GPATCH2: variants seen among roughly 807,000 people sequenced by gnomAD.
The protein encoded by GPATCH2 is G patch domain-containing protein 2.
A neutral mutation model predicts 58.0 loss-of-function variants in GPATCH2; 51 were observed. The observed-to-expected ratio is 0.88, with a 90% CI of 0.70 to 1.11. The LOEUF (loss-of-function observed/expected upper bound fraction) is 1.11. Among genes scored for constraint, GPATCH2 ranks in the 50% most tolerant of loss-of-function variants. The pLI is 0.00. For synonymous variants in GPATCH2, 222 were observed against 218.5 expected, an observed-to-expected ratio of 1.02 and a Z score of -0.14; for missense variants, 625 against 652.2, an observed-to-expected ratio of 0.96 and a Z score of 0.45.
intron 1 of GPATCH2, among the ~76,000 whole-genome samples, chr1:217,629,610 G>A (rs1355541900): frequency 6.6e-6 from 1 of 152,142 alleles, no homozygotes; most frequent in African/African-American, 2.4e-5. Context: ...ATCCTTGAGA[G>A]GGAACTGTGG....
chr1:217,629,048 T>C (rs1669599408), intron 1 of GPATCH2, among the ~76,000 whole-genome samples: 1 of 152,140 alleles, frequency 6.6e-6, no homozygotes, highest in Non-Finnish European at 1.5e-5. Context: ...CCTCAAAAGA[T>C]TTACATGAGA....
rs371765085 is a variant in GPATCH2 at position 217,580,188 on chromosome 1, T to C, written c.1098+30133A>G. On this transcript the variant is annotated intron_variant, in intron 5 of 9. Transcript: ENST00000366935. The stretch of plus-strand genomic sequence containing the variant: ...TAAAATTTATCTCCTTAAATATTTT[T>C]GATGCACAAATTTAACTTGGTATAC... Among the ~76,000 whole-genome samples the C allele has an allele frequency of 4.6e-5, 7 of 152,196 alleles. No individual in the cohort carries two copies. In the East Asian group the frequency reaches 1.3e-3, roughly 29 times the overall value.
chr1:217,443,286 T>C (rs749251925), intron 9 of GPATCH2, among the ~76,000 whole-genome samples: 5 of 152,186 alleles, frequency 3.3e-5, no homozygotes, highest in Non-Finnish European at 1.5e-5. Context: ...TCCTCACTCT[T>C]GGGTAATAAT....
In GPATCH2 at chr1:217,617,200, C is replaced by T. The variant is rs17046655; in HGVS notation, c.773+2583G>A. ...AATGCTTTTTGCTGTAATTCTGATC[C>T]CACTTTATTGCCGGTAAAAACAAAG... is the stretch of plus-strand genomic sequence containing the variant. On this transcript the variant is annotated intron_variant, in intron 2 of 9. Transcript: ENST00000366935. Among the ~76,000 whole-genome samples, 79 of 152,244 alleles carry T rather than the reference C, an allele frequency of 5.2e-4. 1 individual carries two copies. The East Asian group carries it at 9.4e-3, about 18-fold the overall frequency.
At chr1:217,597,630 A>G (rs1360122069) in intron 5 of GPATCH2, among the ~76,000 whole-genome samples, 1 of 152,200 alleles carries the variant, frequency 6.6e-6, no homozygotes, top group Non-Finnish European at 1.5e-5. Context: ...CCAGAAGCTC[A>G]AAACTGATTA....
At chr1:217,585,180 C>A (rs536096013) in intron 5 of GPATCH2, among the ~76,000 whole-genome samples, 34 of 152,052 alleles carry the variant, frequency 2.2e-4, no homozygotes, top group African/African-American at 8.2e-4. Context: ...TTTTCTTCTA[C>A]AATTTGCTTT....
intron 5 of GPATCH2, among the ~76,000 whole-genome samples, chr1:217,587,475 T>C (rs1667394685): frequency 6.6e-6 from 1 of 152,250 alleles, no homozygotes; most frequent in South Asian, 2.1e-4. Flanking sequence ...CTGGCAAAAT[T>C]ACACAGGGCC....
At position 217,561,889 on chromosome 1, in the gene GPATCH2, TA is replaced by T. The variant is rs989777780; in HGVS notation, c.1099-47001del. On this transcript the variant is annotated intron_variant, in intron 5 of 9. Coordinates refer to ENST00000366935, the MANE Select transcript of GPATCH2 (RefSeq NM_018040.5). Reference sequence around the variant, plus strand: ...TCTCTAACAGGCAATGGCAAGCCCTTAAGGATAGAAAAATTATTCTCTCTGG... The same window carrying T: ...TCTCTAACAGGCAATGGCAAGCCCTTAGGATAGAAAAATTATTCTCTCTGG... Among the ~76,000 whole-genome samples, 61 of 152,302 alleles carry T rather than the reference TA, an allele frequency of 4.0e-4. 2 individuals carry two copies. The highest frequency in any genetic ancestry group is 2.9e-5 in the Non-Finnish European group (2 of 68,028).
intron 8 of GPATCH2, among the ~76,000 whole-genome samples, chr1:217,472,446 C>T (rs983404295): frequency 6.6e-6 from 1 of 151,876 alleles, no homozygotes; most frequent in South Asian, 2.1e-4. Flanking sequence ...GGACTACAGG[C>T]GCCCGCCACC....
intron 5 of GPATCH2, among the ~76,000 whole-genome samples, chr1:217,544,617 G>A (rs1299884940): frequency 1.3e-5 from 2 of 152,116 alleles, no homozygotes; most frequent in Non-Finnish European, 2.9e-5. Context: ...GAAATAAAAA[G>A]CCACACAACT....
chr1:217,467,709 A>G (rs1375446780), intron 8 of GPATCH2, among the ~76,000 whole-genome samples: 8 of 151,998 alleles, frequency 5.3e-5, no homozygotes, highest in Admixed American at 5.2e-4. Flanking sequence ...AAAAAAAAAA[A>G]TCCTAACTCA....
intron 6 of GPATCH2, among the ~76,000 whole-genome samples, chr1:217,501,171 T>C (rs926427571): frequency 2.0e-5 from 3 of 152,182 alleles, no homozygotes; most frequent in African/African-American, 7.2e-5. Flanking sequence ...GTCATTTAAA[T>C]AATGTTACAC....
intron 5 of GPATCH2, among the ~76,000 whole-genome samples, chr1:217,528,552 C>T (rs187416672): frequency 6.6e-6 from 1 of 152,274 alleles, no homozygotes; most frequent in Non-Finnish European, 1.5e-5. Flanking sequence ...CAGAAACCAA[C>T]ATTCTAATGA....
intron 1 of GPATCH2, among the ~76,000 whole-genome samples, chr1:217,622,246 CA>C (rs5780989): frequency 0.33 from 50,421 of 152,026 alleles, 8,851 homozygotes; most frequent in Non-Finnish European, 0.39. Flanking sequence ...TGAATCAACA[CA>C]AGGGACAGGG....
intron 6 of GPATCH2, among the ~76,000 whole-genome samples, chr1:217,505,191 C>T (rs146180763): frequency 1.4e-3 from 208 of 152,210 alleles, no homozygotes; most frequent in African/African-American, 4.6e-3. Flanking sequence ...CAGTTCTCCC[C>T]CTAGGACATA....
intron 8 of GPATCH2, among the ~76,000 whole-genome samples, chr1:217,486,598 G>A (rs1003485273): frequency 2.0e-5 from 3 of 152,158 alleles, no homozygotes; most frequent in Non-Finnish European, 4.4e-5. Flanking sequence ...CTTCCAAAGT[G>A]CTGGGATTAC....
intron 9 of GPATCH2, among the ~76,000 whole-genome samples, chr1:217,444,918 T>G (rs1019688234): frequency 6.6e-6 from 1 of 152,232 alleles, no homozygotes; most frequent in African/African-American, 2.4e-5. Flanking sequence ...TTGGCATGAC[T>G]TTTAATTGCA....
At chr1:217,473,445 T>C (rs1660826663) in intron 8 of GPATCH2, among the ~76,000 whole-genome samples, 5 of 152,144 alleles carry the variant, frequency 3.3e-5, no homozygotes, top group Admixed American at 3.3e-4. Flanking sequence ...AATATGCCTT[T>C]ATGTATTTAT....
chr1:217,561,308 C>T (rs768847491), intron 5 of GPATCH2, among the ~76,000 whole-genome samples: 2 of 152,148 alleles, frequency 1.3e-5, no homozygotes, highest in Non-Finnish European at 2.9e-5. Context: ...CATTGCTTTG[C>T]TGACAGGAGG....
Sources: allele counts gnomAD v4.1 joint callset (sites outside exome capture counted in the v4.1 genomes callset), GRCh38; gene constraint gnomAD v4.1.1; transcripts MANE v1.5; gene names NCBI Gene and HGNC (gene_info 2026-07-23, HGNC 2026-07-21).